Variants in DNAI4 observed in about 807,000 individuals in gnomAD.
DNAI4 encodes the protein WD repeat domain 78.
Under a neutral mutation model 105.8 loss-of-function variants are expected in DNAI4, and 85 were observed. The ratio of observed to expected loss-of-function variants is 0.80; its 90% confidence interval spans 0.67 to 0.96. The LOEUF (loss-of-function observed/expected upper bound fraction) is 0.96, where lower values mean the gene tolerates loss of function less well. DNAI4 is among the 40% of genes least tolerant of loss of function. The pLI, the probability that DNAI4 is intolerant of heterozygous loss-of-function variation, is 0.00. For missense variants in DNAI4, 1,014 were observed against 1,005.6 expected, an observed-to-expected ratio of 1.01 and a Z score of -0.11; for synonymous variants, 352 against 331.5, an observed-to-expected ratio of 1.06 and a Z score of -0.67.
At chr1:66,827,497 AC>A (rs879445890) in intron 14 of DNAI4, among the ~76,000 whole-genome samples, 7 of 152,194 alleles carry the variant, frequency 4.6e-5, no homozygotes, top group African/African-American at 7.2e-5. Flanking sequence ...CTTAAAAAAA[AC>A]ATTAAAAAAA....
At chr1:66,916,584 G>A (rs1259071834) in intron 1 of DNAI4, among the ~76,000 whole-genome samples, 1 of 152,260 alleles carries the variant, frequency 6.6e-6, no homozygotes, top group African/African-American at 2.4e-5. Context: ...GGGATTTTAA[G>A]GGCTGCTTTT....
intron 16 of DNAI4, among the ~76,000 whole-genome samples, chr1:66,820,113 C>T (rs1645595214): frequency 6.6e-6 from 1 of 151,992 alleles, no homozygotes; most frequent in African/African-American, 2.4e-5. Flanking sequence ...ATAAATATCC[C>T]AGTTCCTGTT....
chr1:66,850,040 C>A (rs544749497), intron 7 of DNAI4, among the ~76,000 whole-genome samples: 38 of 145,592 alleles, frequency 2.6e-4, no homozygotes, highest in African/African-American at 8.4e-4. Flanking sequence ...TGGCAAAGGA[C>A]AATAGCAAAC....
chr1:66,820,057 C>A (rs907723250), intron 16 of DNAI4, among the ~76,000 whole-genome samples: 3 of 152,084 alleles, frequency 2.0e-5, no homozygotes, highest in South Asian at 2.1e-4. Context: ...CTTTTAATTT[C>A]TTTTGGTCAT....
At chr1:66,842,459 C>T (rs1344199482) in intron 8 of DNAI4, among the ~76,000 whole-genome samples, 3 of 152,236 alleles carry the variant, frequency 2.0e-5, no homozygotes, top group South Asian at 2.1e-4. Context: ...GGCACCATCT[C>T]GACTCACTGC....
intron 6 of DNAI4, among the ~76,000 whole-genome samples, chr1:66,868,860 G>A (rs1351566254): frequency 6.6e-6 from 1 of 151,702 alleles, no homozygotes; most frequent in East Asian, 1.9e-4. Flanking sequence ...GGCAGATCAT[G>A]GGGTCAGGAG....
In DNAI4 at chr1:66,837,461, T is replaced by C. The variant is rs1330845804; in HGVS notation, c.1581+249A>G. The stretch of plus-strand genomic sequence containing the variant: ...CTGTGAAAATCAATAATGGTTCAAC[T>C]CTTCATCATCATATATAACAGCATA... On this transcript the variant is annotated intron_variant, in intron 10 of 16. Transcript: ENST00000371026. 3.3e-5 allele frequency: 12 copies of C among 361,502 alleles called. No individual in the cohort carries two copies. In the Admixed American group the frequency reaches 5.6e-4, roughly 17 times the overall value. 22.4% of individuals were successfully genotyped at this position (361,502 alleles called of 1,614,324 possible).
intron 2 of DNAI4, among the ~76,000 whole-genome samples, chr1:66,901,792 CCTTTTTT>C (rs1178728284): frequency 6.6e-6 from 1 of 152,124 alleles, no homozygotes; most frequent in Non-Finnish European, 1.5e-5. Flanking sequence ...GTTTTTCTTT[CCTTTTTT>C]CTTTTGAGAA....
chr1:66,907,873 T>G (rs544167135), intron 1 of DNAI4, among the ~76,000 whole-genome samples: 2 of 152,252 alleles, frequency 1.3e-5, no homozygotes, highest in African/African-American at 4.8e-5. Context: ...TTTTCCAGCT[T>G]AAATACCCTC....
At chr1:66,836,305 AAAG>A (rs1646021300) in intron 10 of DNAI4, among the ~76,000 whole-genome samples, 1 of 147,450 alleles carries the variant, frequency 6.8e-6, no homozygotes, top group Non-Finnish European at 1.5e-5. Flanking sequence ...AGAAAGAAAG[AAAG>A]AAAGAAAGAA....
chr1:66,834,063 C>T lies in DNAI4; in HGVS notation c.1819G>A (p.Glu607Lys). 1 of 1,612,774 alleles carries T rather than the reference C, an allele frequency of 6.2e-7. No individual in the cohort carries two copies. Among genetic ancestry groups the T allele is most frequent in the Non-Finnish European group, 8.5e-7 (1 of 1,179,386 alleles). Residue 607 changes from glutamate (E) to lysine (K), a missense_variant, in exon 12 of 17, where the codon GAA (glutamate) becomes AAA (lysine). Transcript: ENST00000371026. ...TCTGCTGATATAGAAACTAGTATTT[C>T]TCTTTTGCCATCTCCTGTTGTTCCT... ...DRGTTGDGKREILVSISADGR... is the reference protein window; with the variant it reads ...DRGTTGDGKRKILVSISADGR...
intron 2 of DNAI4, among the ~76,000 whole-genome samples, chr1:66,901,608 A>G (rs1648827974): frequency 6.6e-6 from 1 of 152,130 alleles, no homozygotes; most frequent in African/African-American, 2.4e-5. Flanking sequence ...GTATCCAGTC[A>G]TTTGTGGATG....
At chr1:66,878,575 T>C (rs1245267079) in intron 4 of DNAI4, among the ~76,000 whole-genome samples, 4 of 152,222 alleles carry the variant, frequency 2.6e-5, no homozygotes, top group South Asian at 2.1e-4. Context: ...TTTGTATGTA[T>C]ACTAACTTGT....
Position 66,840,629 on chromosome 1 carries a change from T to C in DNAI4, c.1334A>G (p.Lys445Arg). The C allele has an allele frequency of 6.2e-7, 1 of 1,614,216 alleles. No individual in the cohort carries two copies. Among genetic ancestry groups the C allele is most frequent in the Non-Finnish European group, 8.5e-7 (1 of 1,180,028 alleles). The part of the protein sequence containing the change: ...EEPEDVLESA[K>R]HEEVEEESKK... ...AGATTCTTCCTCTACCTCTTCATGT[T>C]TTGCACTTTCTAAAACATCTTCAGG... The change falls in exon 9 of 17, where the codon AAA (lysine) becomes AGA (arginine). Residue 445 changes from lysine to arginine, a missense_variant. Transcript: ENST00000371026.
chr1:66,835,702 C>T lies in DNAI4; in HGVS notation c.1657G>A (p.Ala553Thr). The T allele has an allele frequency of 6.2e-7, 1 of 1,614,064 alleles. No homozygotes were observed. Among genetic ancestry groups the T allele is most frequent in the Non-Finnish European group, 8.5e-7 (1 of 1,179,950 alleles). The change falls in exon 11 of 17, where the codon GCC becomes ACC. Residue 553 changes from alanine (A) to threonine (T), a missense_variant. By Grantham distance (58) the Ala-to-Thr change is moderately conservative (BLOSUM62 0). Coordinates refer to ENST00000371026, the MANE Select transcript of DNAI4 (RefSeq NM_024763.5). ...ATTGTGCCATTGTGATAGCCAACGG[C>T]TAAAAGGTTAGGTGCTCCAATTGAA... Reference protein sequence around the residue: ...DFSIGAPNLLAVGYHNGTIAI... With the variant: ...DFSIGAPNLLTVGYHNGTIAI...
intron 13 of DNAI4, among the ~76,000 whole-genome samples, chr1:66,831,988 G>C (rs973081871): frequency 1.3e-5 from 2 of 152,218 alleles, no homozygotes; most frequent in Admixed American, 6.5e-5. Context: ...GTGGCTGCCT[G>C]TACATTGAAG....
chr1:66,915,391 T>G (rs1258109986), intron 1 of DNAI4, among the ~76,000 whole-genome samples: 3 of 152,164 alleles, frequency 2.0e-5, no homozygotes, highest in Non-Finnish European at 4.4e-5. Context: ...ATGGAGTCAG[T>G]TAGGTCATAT....
intron 1 of DNAI4, among the ~76,000 whole-genome samples, chr1:66,912,391 T>A (rs1261180750): frequency 6.6e-6 from 1 of 151,522 alleles, no homozygotes; most frequent in African/African-American, 2.4e-5. Context: ...ATCGCTTGAA[T>A]CTGGGAGGTA....
chr1:66,865,848 C>T (rs556292454), intron 6 of DNAI4, among the ~76,000 whole-genome samples: 8 of 152,212 alleles, frequency 5.3e-5, no homozygotes, highest in African/African-American at 1.9e-4. Context: ...AGAGAGAGGC[C>T]AGAAGTGTTA....
Sources: allele counts gnomAD v4.1 joint callset (sites outside exome capture counted in the v4.1 genomes callset), GRCh38; gene constraint gnomAD v4.1.1; transcripts MANE v1.5; gene names NCBI Gene and HGNC (gene_info 2026-07-23, HGNC 2026-07-21).